Variants in CYLC2 observed in about 807,000 individuals in gnomAD.
CYLC2 encodes the protein cylicin 2, also known as cylicin-2.
Under a neutral mutation model 26.1 loss-of-function variants are expected in CYLC2, and 30 were observed. The observed-to-expected ratio is 1.15, with a 90% CI of 0.86 to 1.56. The LOEUF is 1.56. Ranked by LOEUF, CYLC2 falls within the 40% of genes most tolerant of loss-of-function variation. CYLC2 has a pLI of 0.00. For missense variants in CYLC2, 498 were observed against 394.4 expected, an observed-to-expected ratio of 1.26 and a Z score of -2.23; for synonymous variants, 158 against 132.8, an observed-to-expected ratio of 1.19 and a Z score of -1.31.
intron 1 of CYLC2, among the ~76,000 whole-genome samples, chr9:103,000,559 G>A (rs1299314775): frequency 6.6e-6 from 1 of 151,968 alleles, no homozygotes; most frequent in Non-Finnish European, 1.5e-5. Context: ...TTAAGAAAAT[G>A]ATAGGCTGGA....
At position 103,005,908 on chromosome 9, in the gene CYLC2, T is replaced by G; in HGVS notation, c.*230T>G. On this transcript the variant is annotated 3_prime_UTR_variant, in exon 5 of 8. Transcript: ENST00000374798. ...GGGATCCATTGAAAGACTTGAAGAA[T>G]ACATATACTTATATTCGGGGATATG... The G allele has an allele frequency of 6.5e-6, 3 of 462,916 alleles. No individual in the cohort carries two copies. The highest frequency in any genetic ancestry group is 3.8e-6 in the Non-Finnish European group (1 of 264,484). 28.7% of individuals were successfully genotyped at this position (462,916 alleles called of 1,614,324 possible).
chr9:103,007,152 A>C (rs982802266), intron 5 of CYLC2, among the ~76,000 whole-genome samples: 2 of 152,118 alleles, frequency 1.3e-5, no homozygotes, highest in African/African-American at 4.8e-5. Flanking sequence ...GAATTTTATG[A>C]AGTTTGGACT....
intron 2 of CYLC2, 49 bp from the exon 3 acceptor site, chr9:103,003,093 A>C (rs758711193): frequency 1.2e-6 from 2 of 1,602,274 alleles, no homozygotes; most frequent in African/African-American, 2.7e-5. Flanking sequence ...TTCAGCTCTG[A>C]TGGAATTCTA....
intron 5 of CYLC2, among the ~76,000 whole-genome samples, 159 bp downstream of exon 5, chr9:103,006,537 C>T (rs1203008078): frequency 6.7e-6 from 1 of 149,552 alleles, no homozygotes; most frequent in Admixed American, 6.7e-5. Flanking sequence ...CCTCAGCCTC[C>T]CAAGTAGCTG....
rs1019855149 is a variant in CYLC2 at position 103,005,726 on chromosome 9, G to T, written c.*48G>T. The T allele has an allele frequency of 4.5e-6, 7 of 1,552,516 alleles. No homozygotes were observed. Among genetic ancestry groups the T allele is most frequent in the Non-Finnish European group, 6.1e-6 (7 of 1,151,858 alleles). ...GAAAGAATAATTCAAAAGCATATTT[G>T]ATGAAACAATAGTGGTAGTCTGCAG... On this transcript the variant is annotated 3_prime_UTR_variant, in exon 5 of 8. Transcript: ENST00000374798.
rs758720935 is a variant in CYLC2 at position 103,003,172 on chromosome 9, A to G, written c.89A>G (p.Gln30Arg). The change falls in exon 3 of 8, where the codon CAG becomes CGG. Residue 30 changes from glutamine (Q) to arginine (R), a missense_variant. Gln to Arg is a conservative substitution (Grantham distance 43). Transcript: ENST00000374798. Reference protein sequence around the residue: ...VSELSKKSWNQQHFALLFPKP... With the variant: ...VSELSKKSWNRQHFALLFPKP... ...GAATTAAGCAAAAAATCATGGAATC[A>G]GCAACACTTTGCCCTGTTATTTCCC... The G allele has an allele frequency of 1.2e-6, 2 of 1,613,650 alleles. No homozygotes were observed. The highest frequency in any genetic ancestry group is 1.3e-5 in the African/African-American group (1 of 74,920).
chr9:103,008,181 A>G (rs979230068), intron 5 of CYLC2, among the ~76,000 whole-genome samples: 2 of 152,124 alleles, frequency 1.3e-5, no homozygotes, highest in African/African-American at 4.8e-5. Context: ...AATTATTTTC[A>G]CCAATAGGAT....
intron 1 of CYLC2, among the ~76,000 whole-genome samples, chr9:102,999,347 T>C (rs1829266361): frequency 1.3e-5 from 2 of 151,864 alleles, no homozygotes; most frequent in Admixed American, 1.3e-4. Flanking sequence ...TATAAACTTA[T>C]TACATTTGAT....
chr9:102,999,364 C>T (rs527461447), intron 1 of CYLC2, among the ~76,000 whole-genome samples: 1 of 151,868 alleles, frequency 6.6e-6, no homozygotes, highest in Non-Finnish European at 1.5e-5. Context: ...TGATTGGCAG[C>T]TTTAACAGTT....
chr9:102,999,298 T>C (rs565401223), intron 1 of CYLC2, among the ~76,000 whole-genome samples: 1 of 152,030 alleles, frequency 6.6e-6, no homozygotes, highest in South Asian at 2.1e-4. Context: ...ATTTATCATA[T>C]AATCATTAAA....
At chr9:103,014,257 A>T (rs1177037228) in intron 6 of CYLC2, among the ~76,000 whole-genome samples, 1 of 127,682 alleles carries the variant, frequency 7.8e-6, no homozygotes, top group African/African-American at 3.0e-5. Context: ...TATATCACAT[A>T]ATATATTACA....
In CYLC2 at chr9:103,011,424, T is replaced by C. The variant is rs1312452684; in HGVS notation, c.*701-558T>C. Among the ~76,000 whole-genome samples, 3 of 152,144 alleles carry C rather than the reference T, an allele frequency of 2.0e-5. No homozygotes were observed. In the East Asian group the frequency reaches 5.8e-4, roughly 29 times the overall value. On this transcript the variant is annotated intron_variant, in intron 5 of 7. Transcript: ENST00000374798. ...TAGCTTTGATGGCTAAGTAACTTAC[T>C]GAATTTTGGTACTTTAGGTTGAGGA... is the stretch of plus-strand genomic sequence containing the variant.
chr9:103,012,157 C>T (rs1380291417), intron 6 of CYLC2, 60 bp downstream of exon 6: 2 of 151,796 alleles, frequency 1.3e-5, no homozygotes, highest in Non-Finnish European at 2.9e-5. Flanking sequence ...GATGTGGTTT[C>T]ACCATGTTGG....
intron 6 of CYLC2, among the ~76,000 whole-genome samples, chr9:103,013,220 G>C (rs1171990405): frequency 2.0e-5 from 1 of 51,018 alleles, no homozygotes; most frequent in Admixed American, 2.8e-4. Flanking sequence ...ATATTAATAT[G>C]TATATTATAA....
rs1367620331 is a variant in CYLC2 at position 103,005,891 on chromosome 9, T to C, written c.*213T>C. 27 of 514,478 alleles carry C rather than the reference T, an allele frequency of 5.2e-5. No individual in the cohort carries two copies. Among genetic ancestry groups the C allele is most frequent in the Non-Finnish European group, 8.1e-5 (24 of 296,040 alleles). The allele number at this position is 514,478 out of a possible 1,614,324, so 31.9% of individuals were successfully genotyped here. A position where few individuals can be genotyped will look rare whatever the true frequency, so the allele number is the denominator to read the frequency against. Reference sequence around the variant, plus strand: ...TTAAGAAAAATTAAGGGGGGATCCATTGAAAGACTTGAAGAATACATATAC... The same window carrying C: ...TTAAGAAAAATTAAGGGGGGATCCACTGAAAGACTTGAAGAATACATATAC... On this transcript the variant is annotated 3_prime_UTR_variant, in exon 5 of 8. Coordinates refer to ENST00000374798, the MANE Select transcript of CYLC2 (RefSeq NM_001340.5).
intron 6 of CYLC2, among the ~76,000 whole-genome samples, chr9:103,015,287 ATATAAT>A (rs1829487601): frequency 3.8e-5 from 3 of 79,376 alleles, no homozygotes; most frequent in South Asian, 7.0e-4. Flanking sequence ...ATATTATATA[ATATAAT>A]TATATGTTAT....
At chr9:103,000,888 C>T (rs888427923) in intron 1 of CYLC2, among the ~76,000 whole-genome samples, 2 of 151,906 alleles carry the variant, frequency 1.3e-5, no homozygotes, top group South Asian at 2.1e-4. Context: ...AAAATTAGAT[C>T]GTAAAACACT....
chr9:103,013,807 T>C (rs1187597887), intron 6 of CYLC2, among the ~76,000 whole-genome samples: 2 of 99,218 alleles, frequency 2.0e-5, no homozygotes, highest in Admixed American at 1.3e-4. Context: ...TATTATATAT[T>C]ATTATGTATA....
rs772481741 is a variant in CYLC2, at chr9:103,005,700, C to T, written c.*22C>T. 5.1e-6 allele frequency: 8 copies of T among 1,578,160 alleles called. No homozygotes were observed. The highest frequency in any genetic ancestry group is 4.1e-5 in the African/African-American group (3 of 72,878). Reference sequence around the variant, plus strand: ...GTAGGCCTTGGATAAGAATTTGAACCGAAAGAATAATTCAAAAGCATATTT... The same window carrying T: ...GTAGGCCTTGGATAAGAATTTGAACTGAAAGAATAATTCAAAAGCATATTT... On this transcript the variant is annotated 3_prime_UTR_variant, in exon 5 of 8. Transcript: ENST00000374798.
Sources: allele counts gnomAD v4.1 joint callset (sites outside exome capture counted in the v4.1 genomes callset), GRCh38; gene constraint gnomAD v4.1.1; transcripts MANE v1.5; gene names NCBI Gene and HGNC (gene_info 2026-07-23, HGNC 2026-07-21).